The following ZNF292 variants were observed in gnomAD, a reference collection of about 807,000 sequenced individuals.
ZNF292 encodes the protein 16 zinc-finger domain protein.
A neutral mutation model predicts 217.9 loss-of-function variants in ZNF292; 26 were observed. That is an observed-to-expected ratio of 0.12 (90% CI 0.09 to 0.17). ZNF292 has a LOEUF of 0.17. ZNF292 is among the 10% of genes least tolerant of loss of function. ZNF292 has a pLI of 1.00. For synonymous variants in ZNF292, 1,257 were observed against 1,124.1 expected (o/e 1.12, Z -2.37); for missense variants, 2,904 against 3,175.2 (o/e 0.91, Z 2.05).
Position 87,191,565 on chromosome 6 carries a change from A to G in ZNF292, c.169-24338A>G, listed in dbSNP as rs551023728. 2.4e-4 allele frequency among the ~76,000 whole-genome samples: 36 copies of G among 152,356 alleles called. 1 individual carries two copies. The South Asian group carries it at 7.2e-3, about 31-fold the overall frequency. ...AGAGTATGCCTATGTAAAGTTTTGC[A>G]TTCCCAAATTGACCTCCAAAAGTGC... On this transcript the variant is annotated intron_variant, in intron 1 of 7. Transcript: ENST00000369577.
chr6:87,244,191 G>A (rs1348299158), intron 6 of ZNF292, among the ~76,000 whole-genome samples: 3 of 152,130 alleles, frequency 2.0e-5, no homozygotes, highest in African/African-American at 7.2e-5. Flanking sequence ...CCAAATGACA[G>A]CATACAAATG....
chr6:87,159,510 TTTTTTTAA>T (rs1225343943), intron 1 of ZNF292, among the ~76,000 whole-genome samples: 11 of 144,356 alleles, frequency 7.6e-5, no homozygotes, highest in African/African-American at 2.9e-4. Flanking sequence ...TTTTTTTTTT[TTTTTTTAA>T]AAAAGATGTA....
chr6:87,208,031 C>T (rs1005223792), intron 1 of ZNF292, among the ~76,000 whole-genome samples: 2 of 152,098 alleles, frequency 1.3e-5, no homozygotes, highest in Non-Finnish European at 2.9e-5. Context: ...TTTTAGACCA[C>T]GTATGTCCGA....
Position 87,261,090 on chromosome 6 carries a change from G to A in ZNF292, c.7461G>A (p.Leu2487=), listed in dbSNP as rs780464440. ...EKDEMDELTE[L]FITKLINEDS... is the part of the protein sequence containing the mutation. ...ATGAAATGGATGAACTAACAGAATT[G>A]TTTATTACAAAATTAATAAATGAAG... Residue 2487 remains leucine (L), a synonymous_variant, in exon 8 of 8, where the codon TTG becomes TTA. Transcript: ENST00000369577. The A allele has an allele frequency of 3.7e-6, 6 of 1,609,920 alleles. No individual in the cohort carries two copies. The South Asian group carries it at 5.5e-5, about 15-fold the overall frequency.
chr6:87,193,676 G>A (rs1477432227), intron 1 of ZNF292, among the ~76,000 whole-genome samples: 1 of 152,130 alleles, frequency 6.6e-6, no homozygotes, highest in Non-Finnish European at 1.5e-5. Flanking sequence ...CGCCCTCCGA[G>A]GGTAATAAGA....
chr6:87,216,392 C>CT lies in ZNF292; in HGVS notation c.402+18dup, dbSNP rs1425357081. 6.5e-7 allele frequency: 1 copy of CT among 1,547,930 alleles called. No homozygotes were observed. The highest frequency in any genetic ancestry group is 1.9e-5 in the Admixed American group (1 of 52,494). ...CACTGGTGCAGGTGAGAATCTTTAT[C>CT]TTTAGATTTAATACAGGTATATCTT... On this transcript the variant is annotated intron_variant, in intron 3 of 7. Coordinates refer to ENST00000369577, the MANE Select transcript of ZNF292 (RefSeq NM_015021.3).
At chr6:87,235,653 C>T (rs1773869485) in intron 5 of ZNF292, among the ~76,000 whole-genome samples, 1 of 152,022 alleles carries the variant, frequency 6.6e-6, no homozygotes, top group Non-Finnish European at 1.5e-5. Flanking sequence ...GTTTAATTAT[C>T]CAGAGTTGAG....
Position 87,264,994 on chromosome 6 carries a change from G to A in ZNF292, c.*3193G>A, listed in dbSNP as rs1775765245. ...AGAGATAATAAAAAGTAATGTCTAA[G>A]GCAGCCTGTTTCAGCATGTTTATTG... On this transcript the variant is annotated 3_prime_UTR_variant, in exon 8 of 8. Coordinates refer to ENST00000369577, the MANE Select transcript of ZNF292 (RefSeq NM_015021.3). Among the ~76,000 whole-genome samples, 1 of 152,160 alleles carries A rather than the reference G, an allele frequency of 6.6e-6. No homozygotes were observed. Among genetic ancestry groups the A allele is most frequent in the Admixed American group, 6.5e-5 (1 of 15,274 alleles).
chr6:87,174,974 C>T (rs1771236849), intron 1 of ZNF292, among the ~76,000 whole-genome samples: 1 of 152,182 alleles, frequency 6.6e-6, no homozygotes, highest in Non-Finnish European at 1.5e-5. Flanking sequence ...CCTGGGAAAC[C>T]TAAGGAAGAA....
chr6:87,175,153 CTT>C (rs1771241769), intron 1 of ZNF292, among the ~76,000 whole-genome samples: 1 of 152,150 alleles, frequency 6.6e-6, no homozygotes, highest in African/African-American at 2.4e-5. Flanking sequence ...GGTCATCTCT[CTT>C]CAGATTTTGC....
chr6:87,234,712 A>G (rs1263140480), intron 5 of ZNF292, among the ~76,000 whole-genome samples: 1 of 152,218 alleles, frequency 6.6e-6, no homozygotes, highest in Non-Finnish European at 1.5e-5. Flanking sequence ...TAGGTAAAAC[A>G]TAAGGATATG....
In ZNF292 at chr6:87,166,607, C is replaced by T. The variant is rs555137451; in HGVS notation, c.168+10848C>T. ...TTTTCCAAGTATACCCTTCTCTGGT[C>T]TGCACTTGCTCTGAGAGTTACTTTT... On this transcript the variant is annotated intron_variant, in intron 1 of 7. Coordinates refer to ENST00000369577, the MANE Select transcript of ZNF292 (RefSeq NM_015021.3). 2.0e-5 allele frequency among the ~76,000 whole-genome samples: 3 copies of T among 152,328 alleles called. No individual in the cohort carries two copies. In the East Asian group the frequency reaches 5.8e-4, roughly 29 times the overall value.
At chr6:87,242,210 C>T (rs2127838392) in intron 5 of ZNF292, among the ~76,000 whole-genome samples, 1 of 152,174 alleles carries the variant, frequency 6.6e-6, no homozygotes, top group Middle Eastern at 3.4e-3. Flanking sequence ...GAAAAAGAGG[C>T]AGAGAGAGGA....
intron 1 of ZNF292, among the ~76,000 whole-genome samples, chr6:87,210,048 C>T (rs537502664): frequency 7.9e-5 from 12 of 152,238 alleles, no homozygotes; most frequent in South Asian, 4.1e-4. Flanking sequence ...GTAACACCCC[C>T]GCGGTTTTAT....
Position 87,257,295 on chromosome 6 carries a change from A to G in ZNF292, c.3666A>G (p.Glu1222=). The G allele has an allele frequency of 6.2e-7, 1 of 1,613,710 alleles. No individual in the cohort carries two copies. The highest frequency in any genetic ancestry group is 8.5e-7 in the Non-Finnish European group (1 of 1,179,782). The part of the protein sequence containing the change: ...NPNITSQDKN[E]QGGMLCSQME... ...ATATAACTTCTCAGGATAAAAATGAACAAGGTGGTATGTTATGTTCCCAAA... is the reference window on the plus strand; with the variant it reads ...ATATAACTTCTCAGGATAAAAATGAGCAAGGTGGTATGTTATGTTCCCAAA... Residue 1222 remains glutamate, a synonymous_variant, in exon 8 of 8, where the codon GAA becomes GAG. Transcript: ENST00000369577.
At chr6:87,176,539 A>G (rs749678612) in intron 1 of ZNF292, among the ~76,000 whole-genome samples, 3 of 152,092 alleles carry the variant, frequency 2.0e-5, no homozygotes, top group Non-Finnish European at 4.4e-5. Context: ...GAGGTCAGAA[A>G]CCTTCCTGCT....
intron 1 of ZNF292, among the ~76,000 whole-genome samples, chr6:87,160,674 ATG>A (rs535676499): frequency 1.1e-4 from 10 of 92,514 alleles, no homozygotes; most frequent in Non-Finnish European, 3.9e-5. Context: ...CATATATATG[ATG>A]TGTGTGTGTA....
rs1562183491 is a variant in ZNF292 at position 87,256,466 on chromosome 6, G to A, written c.2837G>A (p.Gly946Glu). The stretch of plus-strand genomic sequence containing the variant: ...TCCATTAAGGTGTCTCTCAATCAGG[G>A]GATTGAGGATAACTTTGGAAAGCAA... ...AVSIKVSLNQGIEDNFGKQEN... is the reference protein window; with the variant it reads ...AVSIKVSLNQEIEDNFGKQEN... The change falls in exon 8 of 8, where the codon GGG (glycine) becomes GAG (glutamate). Residue 946 changes from glycine to glutamate, a missense_variant. By Grantham distance (98) the Gly-to-Glu change is moderately conservative. Transcript: ENST00000369577. 2 of 1,609,050 alleles carry A rather than the reference G, an allele frequency of 1.2e-6. No individual in the cohort carries two copies. The highest frequency in any genetic ancestry group is 2.7e-5 in the African/African-American group (2 of 75,028).
chr6:87,163,423 C>A (rs1770817824), intron 1 of ZNF292, among the ~76,000 whole-genome samples: 1 of 152,004 alleles, frequency 6.6e-6, no homozygotes. Flanking sequence ...TGCACTCCAG[C>A]CTGGGTGACA....
Sources: gnomAD v4.1 joint callset for allele counts (sites outside exome capture counted in the v4.1 genomes callset) on GRCh38, gnomAD v4.1.1 for gene constraint, MANE v1.5 for transcripts, NCBI Gene and HGNC (gene_info 2026-07-23, HGNC 2026-07-21) for gene names.